The following SBK1 variants were observed in gnomAD, a reference collection of about 807,000 sequenced individuals.
SBK1 encodes the protein serine/threonine-protein kinase SBK1.
SBK1 carries 11 observed loss-of-function variants against 24.4 expected under a neutral mutation model. The ratio of observed to expected loss-of-function variants is 0.45; its 90% CI spans 0.28 to 0.75. SBK1 has a LOEUF of 0.75. Ranked by LOEUF, SBK1 falls within the 30% of genes least tolerant of loss-of-function variation. SBK1 has a pLI of 0.12. For missense variants in SBK1, 467 were observed against 620.5 expected, an observed-to-expected ratio of 0.75 and a Z score of 2.63; for synonymous variants, 308 against 284.4, an observed-to-expected ratio of 1.08 and a Z score of -0.83.
At chr16:28,263,998 G>A (rs28395371) in intron 1 of SBK1, among the ~76,000 whole-genome samples, 144,775 of 152,124 alleles carry the variant, frequency 0.95, 69,301 homozygotes, top group Middle Eastern at 1. Flanking sequence ...GCATGGTGTC[G>A]TGGGCCTGTA....
rs1338988467 is a variant in SBK1 at position 28,318,999 on chromosome 16, A to G, written c.231A>G (p.Thr77=). 1.9e-6 allele frequency: 3 copies of G among 1,613,918 alleles called. No homozygotes were observed. The highest frequency in any genetic ancestry group is 2.5e-6 in the Non-Finnish European group (3 of 1,179,886). The stretch of plus-strand genomic sequence containing the variant: ...TGTTGCTGTTGCTCCCATCAGGCAC[A>G]AAAATGGCACTGAAGTTTGTGAACA... ...VDLVVYKGTG[T]KMALKFVNKS... Residue 77 remains threonine, a synonymous_variant, in exon 3 of 4, where the codon ACA becomes ACG. Transcript: ENST00000341901.
At chr16:28,289,234 C>T (rs1048248872), upstream of SBK1, among the ~76,000 whole-genome samples, 1 of 152,252 alleles carries the variant, frequency 6.6e-6, no homozygotes, top group Non-Finnish European at 1.5e-5. Flanking sequence ...GCCCCCTCTT[C>T]TGCACACCCA....
At chr16:28,312,075 C>T (rs1242242241) in intron 1 of SBK1, among the ~76,000 whole-genome samples, 1 of 152,228 alleles carries the variant, frequency 6.6e-6, no homozygotes, top group East Asian at 1.9e-4. Context: ...CGTGGACCGC[C>T]CACCTCAGCA....
At chr16:28,265,866 C>T (rs1318152661) in intron 1 of SBK1, among the ~76,000 whole-genome samples, 5 of 150,252 alleles carry the variant, frequency 3.3e-5, no homozygotes, top group East Asian at 2.0e-4. Flanking sequence ...CTGAGCTACT[C>T]GGGAGGCTAA....
At chr16:28,269,896 AC>A (rs2044453830) in intron 1 of SBK1, among the ~76,000 whole-genome samples, 1 of 151,968 alleles carries the variant, frequency 6.6e-6, no homozygotes, top group Non-Finnish European at 1.5e-5. Flanking sequence ...ACAAACAAAA[AC>A]AAAGGATAAA....
chr16:28,301,015 C>A (rs1413387694), intron 1 of SBK1, among the ~76,000 whole-genome samples: 10 of 152,182 alleles, frequency 6.6e-5, no homozygotes, highest in African/African-American at 2.4e-5. Flanking sequence ...GGCCTCTGTT[C>A]ACCCAGCCAT....
Position 28,323,671 on chromosome 16 carries a change from G to T in SBK1, c.*2750G>T, listed in dbSNP as rs952202587. 1 of 152,806 alleles carries T rather than the reference G, an allele frequency of 6.5e-6. No homozygotes were observed. Among genetic ancestry groups the T allele is most frequent in the Admixed American group, 6.5e-5 (1 of 15,282 alleles). The allele number at this position is 152,806 out of a possible 1,614,324, so 9.5% of individuals were successfully genotyped here. A position where few individuals can be genotyped will look rare whatever the true frequency, so the allele number is the denominator to read the frequency against. On this transcript the variant is annotated 3_prime_UTR_variant, in exon 4 of 4. Coordinates refer to ENST00000341901, the MANE Select transcript of SBK1 (RefSeq NM_001024401.3). ...GTCCATGCTTGGCTCAGGGCCTGGG[G>T]CGGGGTCCTGGGTAGAGTCCTAGCC... is the stretch of plus-strand genomic sequence containing the variant.
chr16:28,263,028 T>C (rs2044406817), intron 1 of SBK1, among the ~76,000 whole-genome samples: 1 of 152,162 alleles, frequency 6.6e-6, no homozygotes, highest in Non-Finnish European at 1.5e-5. Context: ...AAACCACACA[T>C]GAGGTTTTTA....
intron 1 of SBK1, among the ~76,000 whole-genome samples, chr16:28,306,999 C>T (rs1429535510): frequency 1.3e-5 from 2 of 152,164 alleles, no homozygotes; most frequent in African/African-American, 4.8e-5. Context: ...GGCTAGAAGC[C>T]AGGGCATCTG....
At chr16:28,315,967 C>T (rs537992143) in intron 1 of SBK1, among the ~76,000 whole-genome samples, 2 of 152,198 alleles carry the variant, frequency 1.3e-5, no homozygotes, top group Admixed American at 1.3e-4. Flanking sequence ...GGTTCCGCCA[C>T]ATTGACCAGT....
chr16:28,280,350 A>AATATATATATATAT (rs535039780), intron 1 of SBK1, among the ~76,000 whole-genome samples: 3 of 139,498 alleles, frequency 2.2e-5, no homozygotes, highest in African/African-American at 7.9e-5. Context: ...ATATATATAA[A>AATATATATATATAT]ATATATATAT....
rs2044857361 is a variant in SBK1 at position 28,322,345 on chromosome 16, T to G, written c.*1424T>G. On this transcript the variant is annotated 3_prime_UTR_variant, in exon 4 of 4. Coordinates refer to ENST00000341901, the MANE Select transcript of SBK1 (RefSeq NM_001024401.3). Reference sequence around the variant, plus strand: ...AAACAGAGACAACAGCAGCCCCGCCTGACCCCCTGCCCCTCTCTGTGGAGG... The same window carrying G: ...AAACAGAGACAACAGCAGCCCCGCCGGACCCCCTGCCCCTCTCTGTGGAGG... The G allele has an allele frequency of 6.6e-6, 1 of 152,528 alleles. No individual in the cohort carries two copies. The highest frequency in any genetic ancestry group is 2.1e-4 in the South Asian group (1 of 4,814). The allele number at this position is 152,528 out of a possible 1,614,324, so 9.4% of individuals were successfully genotyped here.
Position 28,280,171 on chromosome 16 carries a change from G to GTGTGTGTGTGTGTGTGTA in SBK1, c.257+20670_257+20671insGTGTGTGTGTGTGTGTAT, listed in dbSNP as rs1247488558. ...TATATGTGTGTGTGTGTGTGTGTGT[G>GTGTGTGTGTGTGTGTGTA]TATGTATATATACATATATATGTAC... On this transcript the variant is annotated intron_variant, in intron 1 of 3. Coordinates refer to the SBK1 transcript ENST00000671413. 5.7e-3 allele frequency among the ~76,000 whole-genome samples: 624 copies of GTGTGTGTGTGTGTGTGTA among 109,406 alleles called. 17 individuals carry two copies. The highest frequency in any genetic ancestry group is 0.034 in the South Asian group (99 of 2,940). 71.8% of individuals were successfully genotyped at this position (109,406 alleles called of 152,430 possible).
intron 2 of SBK1, 45 bp from the exon 3 acceptor site, chr16:28,318,950 C>T (rs752519519): frequency 3.4e-5 from 49 of 1,450,540 alleles, no homozygotes; most frequent in Non-Finnish European, 4.4e-5. Context: ...AGTGCGGAGG[C>T]ACTGGGAGAG....
Position 28,292,540 on chromosome 16 carries a change from C to A in SBK1, c.-768C>A. 1.0e-6 allele frequency: 1 copy of A among 978,852 alleles called. No homozygotes were observed. The highest frequency in any genetic ancestry group is 1.2e-6 in the Non-Finnish European group (1 of 827,116). The allele number at this position is 978,852 out of a possible 1,614,324, so 60.6% of individuals were successfully genotyped here. A position where few individuals can be genotyped will look rare whatever the true frequency, so the allele number is the denominator to read the frequency against. On this transcript the variant is annotated 5_prime_UTR_variant, in exon 1 of 4. Coordinates refer to ENST00000341901, the MANE Select transcript of SBK1 (RefSeq NM_001024401.3). ...GCGGAGCCGCGATGCCGCGATGGAG[C>A]GCAGCCCGGGCGGGCGCCGGGGCCG...
At chr16:28,272,619 C>CTTTTTTTTTTTTTT (rs71140961) in intron 1 of SBK1, among the ~76,000 whole-genome samples, 26 of 105,970 alleles carry the variant, frequency 2.5e-4, no homozygotes, top group Non-Finnish European at 4.0e-4. Flanking sequence ...TTCTTTCTTT[C>CTTTTTTTTTTTTTT]TTTTTTTTTT....
Position 28,292,625 on chromosome 16 carries a change from G to C in SBK1, c.-683G>C. On this transcript the variant is annotated 5_prime_UTR_variant, in exon 1 of 4. Coordinates refer to ENST00000341901, the MANE Select transcript of SBK1 (RefSeq NM_001024401.3). ...CGCAGCCGGAGCCCGGGCCAGGCCG[G>C]GGGCCGGGAGCGCAGGGCCGGGCTG... 2 of 982,766 alleles carry C rather than the reference G, an allele frequency of 2.0e-6. No individual in the cohort carries two copies. Among genetic ancestry groups the C allele is most frequent in the South Asian group, 4.7e-5 (1 of 21,296 alleles). The allele number at this position is 982,766 out of a possible 1,614,324, so 60.9% of individuals were successfully genotyped here. A position where few individuals can be genotyped will look rare whatever the true frequency, so the allele number is the denominator to read the frequency against.
intron 1 of SBK1, among the ~76,000 whole-genome samples, chr16:28,272,825 T>C (rs1234650930): frequency 6.6e-6 from 1 of 151,914 alleles, no homozygotes; most frequent in Non-Finnish European, 1.5e-5. Context: ...TTTCACCATA[T>C]TGGCCAGGCT....
chr16:28,304,592 AT>A (rs2044702244), intron 1 of SBK1, among the ~76,000 whole-genome samples: 1 of 151,856 alleles, frequency 6.6e-6, no homozygotes, highest in Non-Finnish European at 1.5e-5. Flanking sequence ...ATAAATGGTA[AT>A]TTTTTTGTTT....
Sources: gnomAD v4.1 joint callset for allele counts (sites outside exome capture counted in the v4.1 genomes callset) on GRCh38, gnomAD v4.1.1 for gene constraint, MANE v1.5 for transcripts, NCBI Gene and HGNC (gene_info 2026-07-23, HGNC 2026-07-21) for gene names.